The following GRIA4 variants were observed in gnomAD, a reference collection of about 807,000 sequenced individuals.
The protein encoded by GRIA4 is glutamate receptor 4.
A neutral mutation model predicts 104.0 loss-of-function variants in GRIA4; 34 were observed. The observed-to-expected ratio is 0.33, with a 90% CI of 0.25 to 0.44. GRIA4 has a LOEUF of 0.44. Among genes scored for constraint, GRIA4 ranks in the 20% least tolerant of loss-of-function variants. The probability of loss-of-function intolerance (pLI) is 1.00; values close to 1 mark genes in which losing one functional copy is unlikely to be tolerated. For missense variants in GRIA4, 750 were observed against 1,096.5 expected (o/e 0.68, Z 4.46); for synonymous variants, 386 against 381.9 (o/e 1.01, Z -0.13).
intron 4 of GRIA4, among the ~76,000 whole-genome samples, chr11:105,794,942 A>G (rs1453914334): frequency 6.6e-6 from 1 of 152,098 alleles, no homozygotes; most frequent in Non-Finnish European, 1.5e-5. Context: ...AGTGTTGCAC[A>G]CATCTGAGAA....
chr11:105,872,334 T>A (rs1410477056), intron 5 of GRIA4, among the ~76,000 whole-genome samples: 1 of 152,020 alleles, frequency 6.6e-6, no homozygotes, highest in African/African-American at 2.4e-5. Context: ...AAAAGATATA[T>A]AACAGCAAGG....
chr11:105,669,441 A>G (rs945963225), intron 3 of GRIA4, among the ~76,000 whole-genome samples: 30 of 152,192 alleles, frequency 2.0e-4, no homozygotes, highest in Middle Eastern at 3.4e-3. Context: ...ATAATTTCCA[A>G]ATTCACCCAT....
chr11:105,854,237 T>C (rs1475687041), intron 4 of GRIA4, among the ~76,000 whole-genome samples: 1 of 151,940 alleles, frequency 6.6e-6, no homozygotes, highest in Non-Finnish European at 1.5e-5. Flanking sequence ...AGAAGAGGAA[T>C]AGAAAAGCAC....
intron 3 of GRIA4, among the ~76,000 whole-genome samples, chr11:105,657,771 C>T (rs12286810): frequency 0.52 from 78,601 of 151,492 alleles, 20,641 homozygotes; most frequent in Admixed American, 0.61. Context: ...CATGATAGTA[C>T]AATGTACTTT....
intron 14 of GRIA4, among the ~76,000 whole-genome samples, chr11:105,937,947 C>G (rs1030041367): frequency 1.3e-5 from 2 of 152,116 alleles, no homozygotes; most frequent in Admixed American, 6.6e-5. Flanking sequence ...CAACAGGCAA[C>G]TCAGAGCCCC....
intron 3 of GRIA4, among the ~76,000 whole-genome samples, chr11:105,739,704 A>G (rs894349797): frequency 4.6e-5 from 7 of 152,172 alleles, no homozygotes; most frequent in African/African-American, 1.4e-4. Context: ...TCAAATCTGA[A>G]CATGAGGAGC....
intron 4 of GRIA4, among the ~76,000 whole-genome samples, chr11:105,842,458 G>A (rs1944428377): frequency 6.6e-6 from 1 of 152,140 alleles, no homozygotes; most frequent in African/African-American, 2.4e-5. Flanking sequence ...AAGAGATGAT[G>A]GGACTTGTAC....
chr11:105,731,384 T>C (rs1938576920), intron 3 of GRIA4, among the ~76,000 whole-genome samples: 1 of 152,068 alleles, frequency 6.6e-6, no homozygotes, highest in Non-Finnish European at 1.5e-5. Flanking sequence ...CAAGAGATGC[T>C]CAAGAGGATG....
rs749903060 is a variant in GRIA4 at position 105,910,486 on chromosome 11, A to G, written c.1210A>G (p.Thr404Ala). The G allele has an allele frequency of 3.7e-6, 6 of 1,603,820 alleles. No homozygotes were observed. Among genetic ancestry groups the G allele is most frequent in the Middle Eastern group, 1.7e-4 (1 of 6,044 alleles). Reference protein sequence around the residue: ...DKLVLIQDVPTLGNDTAAIEN... With the variant: ...DKLVLIQDVPALGNDTAAIEN... Reference sequence around the variant, plus strand: ...GTTAGTCTTGATTCAAGATGTACCAACTCTTGGCAATGACACAGCTGCTAT... The same window carrying G: ...GTTAGTCTTGATTCAAGATGTACCAGCTCTTGGCAATGACACAGCTGCTAT... The change falls in exon 10 of 17, where the codon ACT becomes GCT. Residue 404 changes from threonine (T) to alanine (A), a missense_variant. This residue lies in a region of GRIA4 where 410 missense variants were observed against 502.7 expected (regional missense o/e 0.82). Transcript: ENST00000282499.
intron 3 of GRIA4, among the ~76,000 whole-genome samples, chr11:105,633,693 A>C (rs1482632809): frequency 2.0e-5 from 3 of 152,208 alleles, no homozygotes; most frequent in Admixed American, 2.0e-4. Context: ...ACAGAAACAC[A>C]AATTCTACAT....
chr11:105,658,447 A>G (rs955844962), intron 3 of GRIA4, among the ~76,000 whole-genome samples: 5 of 151,874 alleles, frequency 3.3e-5, no homozygotes, highest in African/African-American at 1.2e-4. Flanking sequence ...TTGCATCATA[A>G]AAGAATCTGG....
At position 105,666,187 on chromosome 11, in the gene GRIA4, A is replaced by T. The variant is rs186340432; in HGVS notation, c.247+53753A>T. Among the ~76,000 whole-genome samples, 293 of 152,190 alleles carry T rather than the reference A, an allele frequency of 1.9e-3. 1 individual carries two copies. Among genetic ancestry groups the T allele is most frequent in the African/African-American group, 6.8e-3 (281 of 41,560 alleles). ...TCTCTTTCTCAAAGAAAACAATTTT[A>T]AAAACCATTTTAGTTAAATATAAAA... On this transcript the variant is annotated intron_variant, in intron 3 of 16. Transcript: ENST00000282499.
At chr11:105,641,998 C>T (rs1372323528) in intron 3 of GRIA4, among the ~76,000 whole-genome samples, 1 of 152,142 alleles carries the variant, frequency 6.6e-6, no homozygotes, top group African/African-American at 2.4e-5. Context: ...TTGTAGATGC[C>T]ATTATCTCCC....
intron 15 of GRIA4, 148 bp from the exon 16 acceptor site, chr11:105,974,162 C>T: frequency 8.3e-6 from 6 of 721,856 alleles, no homozygotes; most frequent in South Asian, 1.8e-5. Flanking sequence ...TGTTTAAGTC[C>T]ATTAGCCTAC....
intron 14 of GRIA4, among the ~76,000 whole-genome samples, chr11:105,951,985 T>C (rs1162578848): frequency 6.6e-6 from 1 of 151,952 alleles, no homozygotes; most frequent in Non-Finnish European, 1.5e-5. Context: ...TAATAAAAAA[T>C]TAAAATGTTC....
intron 3 of GRIA4, among the ~76,000 whole-genome samples, chr11:105,672,264 CATTG>C (rs1282392701): frequency 2.0e-5 from 3 of 152,038 alleles, no homozygotes; most frequent in African/African-American, 4.8e-5. Flanking sequence ...AAAAGACAGT[CATTG>C]ATTGCCCACT....
At chr11:105,861,089 G>T (rs1210380932) in intron 4 of GRIA4, among the ~76,000 whole-genome samples, 2 of 152,022 alleles carry the variant, frequency 1.3e-5, no homozygotes, top group Non-Finnish European at 2.9e-5. Flanking sequence ...TAACCCAGGT[G>T]CTTGGACCAG....
intron 3 of GRIA4, among the ~76,000 whole-genome samples, chr11:105,729,516 A>G (rs1252902535): frequency 3.9e-5 from 6 of 152,270 alleles, no homozygotes; most frequent in African/African-American, 1.4e-4. Context: ...TATGAGGTCA[A>G]CATCATCCAG....
chr11:105,712,888 G>C (rs1453621589), intron 3 of GRIA4, among the ~76,000 whole-genome samples: 1 of 151,816 alleles, frequency 6.6e-6, no homozygotes, highest in African/African-American at 2.4e-5. Flanking sequence ...TCAGCAAAAA[G>C]GATTTAATAA....
Sources: gnomAD v4.1 joint callset for allele counts (sites outside exome capture counted in the v4.1 genomes callset) on GRCh38, gnomAD v4.1.1 for gene constraint, gnomAD v4.1.1 regional missense constraint, MANE v1.5 for transcripts, NCBI Gene and HGNC (gene_info 2026-07-23, HGNC 2026-07-21) for gene names.